The following OR2L13 variants were observed in gnomAD, a reference collection of about 807,000 sequenced individuals.
OR2L13 encodes olfactory receptor family 2 subfamily L member 13, also known as olfactory receptor 2L13.
A neutral mutation model predicts 15.3 loss-of-function variants in OR2L13; 14 were observed. The observed-to-expected ratio is 0.91, with a 90% CI of 0.60 to 1.43. The LOEUF (loss-of-function observed/expected upper bound fraction) is 1.43. Ranked by LOEUF, OR2L13 falls within the 40% of genes most tolerant of loss-of-function variation. The probability of loss-of-function intolerance (pLI) is 0.00; values close to 1 mark genes in which losing one functional copy is unlikely to be tolerated. For synonymous variants in OR2L13, 152 were observed against 142.9 expected (o/e 1.06, Z -0.45); for missense variants, 367 against 387.9 (o/e 0.95, Z 0.45).
chr1:248,087,274 G>T, the OR2L13 span, among the ~76,000 whole-genome samples: 342 of 152,086 alleles, frequency 2.2e-3, 3 homozygotes, highest in African/African-American at 8.1e-3. Context: ...TTTTTGAATT[G>T]GTGTTTCTGG....
At chr1:248,032,332 C>T in the OR2L13 span, among the ~76,000 whole-genome samples, 2 of 151,868 alleles carry the variant, frequency 1.3e-5, no homozygotes, top group Admixed American at 6.6e-5. Flanking sequence ...TGAGATAATA[C>T]ATATTATCTC....
At chr1:248,082,465 A>C in the OR2L13 span, among the ~76,000 whole-genome samples, 1 of 150,772 alleles carries the variant, frequency 6.6e-6, no homozygotes, top group Admixed American at 6.6e-5. Flanking sequence ...AACCTGCACA[A>C]TGTGCACATG....
chr1:248,047,383 A>G, the OR2L13 span, among the ~76,000 whole-genome samples: 1 of 152,194 alleles, frequency 6.6e-6, no homozygotes, highest in Non-Finnish European at 1.5e-5. Context: ...GGAAAGTATT[A>G]GTGTTGTTTT....
the OR2L13 span, among the ~76,000 whole-genome samples, chr1:248,015,732 C>T: frequency 6.6e-6 from 1 of 152,150 alleles, no homozygotes; most frequent in Non-Finnish European, 1.5e-5. Flanking sequence ...TCTTACAAAA[C>T]TTCCAGCAAA....
the OR2L13 span, among the ~76,000 whole-genome samples, chr1:247,964,951 C>T: frequency 7.4e-5 from 11 of 148,844 alleles, no homozygotes; most frequent in African/African-American, 2.7e-4. Flanking sequence ...ATAAAATATA[C>T]TTGTCTTTAA....
At chr1:248,003,000 G>A in the OR2L13 span, 1 of 617,694 alleles carries the variant, frequency 1.6e-6, no homozygotes, top group Admixed American at 2.8e-5. Context: ...TTGGTTGGTA[G>A]GCTATTTATT....
At chr1:248,003,776 T>C in the OR2L13 span, 1 of 1,613,916 alleles carries the variant, frequency 6.2e-7, no homozygotes, top group East Asian at 2.2e-5. Context: ...TATTTCATGT[T>C]CCTATGGCCG....
the OR2L13 span, chr1:247,991,110 T>C: frequency 4.0e-5 from 64 of 1,605,360 alleles, no homozygotes; most frequent in Admixed American, 5.0e-5. Context: ...CCATCCTCAC[T>C]CCAATGCTCA....
the OR2L13 span, chr1:247,949,393 A>G: frequency 6.2e-7 from 1 of 1,614,144 alleles, no homozygotes; most frequent in South Asian, 1.1e-5. Context: ...TTCTTCTGTG[A>G]TGTCCCAGCA....
chr1:248,016,119 T>C, the OR2L13 span, among the ~76,000 whole-genome samples: 1 of 152,186 alleles, frequency 6.6e-6, no homozygotes, highest in Non-Finnish European at 1.5e-5. Context: ...TAAATTAGGC[T>C]ATTTTAATTA....
the OR2L13 span, among the ~76,000 whole-genome samples, chr1:247,991,386 A>G: frequency 1.7e-4 from 25 of 149,404 alleles, 4 homozygotes; most frequent in African/African-American, 6.0e-4. Flanking sequence ...TTGGTTTTGT[A>G]TTTGTTTCTT....
chr1:247,964,752 CTT>C, the OR2L13 span, among the ~76,000 whole-genome samples: 83 of 151,058 alleles, frequency 5.5e-4, no homozygotes, highest in African/African-American at 2.0e-3. Context: ...AAACTTTTAT[CTT>C]TTTTATAAGT....
At chr1:248,032,176 AG>A in the OR2L13 span, among the ~76,000 whole-genome samples, 2 of 152,162 alleles carry the variant, frequency 1.3e-5, no homozygotes, top group Non-Finnish European at 1.5e-5. Flanking sequence ...AAATAACCAG[AG>A]GTCATAAAAT....
the OR2L13 span, chr1:247,966,126 G>T: frequency 1.2e-6 from 2 of 1,614,148 alleles, no homozygotes; most frequent in South Asian, 1.1e-5. Flanking sequence ...TGGCAAGCCT[G>T]TTCTATGCAA....
the OR2L13 span, among the ~76,000 whole-genome samples, chr1:247,946,351 A>T: frequency 6.6e-6 from 1 of 152,210 alleles, no homozygotes; most frequent in Admixed American, 6.5e-5. Flanking sequence ...CTGAACTTCC[A>T]GTAATATGTT....
At chr1:248,098,035 A>G (rs986985537) in intron 1 of OR2L13, among the ~76,000 whole-genome samples, 28 of 152,246 alleles carry the variant, frequency 1.8e-4, no homozygotes, top group Non-Finnish European at 3.7e-4. Flanking sequence ...GATAGAATGA[A>G]GCCACATGAG....
At chr1:247,973,832 A>T in the OR2L13 span, among the ~76,000 whole-genome samples, 1 of 152,182 alleles carries the variant, frequency 6.6e-6, no homozygotes, top group Non-Finnish European at 1.5e-5. Flanking sequence ...TACTAATGGG[A>T]GTGTAAATTA....
the OR2L13 span, among the ~76,000 whole-genome samples, chr1:248,028,944 T>C: frequency 6.6e-6 from 1 of 152,190 alleles, no homozygotes; most frequent in Non-Finnish European, 1.5e-5. Flanking sequence ...TGGCGCATAC[T>C]ATTATGTAAC....
the OR2L13 span, among the ~76,000 whole-genome samples, chr1:247,963,170 C>G: frequency 6.6e-6 from 1 of 152,258 alleles, no homozygotes; most frequent in South Asian, 2.1e-4. Context: ...TTACCACATA[C>G]TTGGGGTTGT....
Sources: allele counts gnomAD v4.1 joint callset (sites outside exome capture counted in the v4.1 genomes callset), GRCh38; gene constraint gnomAD v4.1.1; transcripts MANE v1.5; gene names NCBI Gene and HGNC (gene_info 2026-07-23, HGNC 2026-07-21).